DAB1: variants seen among roughly 807,000 people sequenced by gnomAD.
The protein encoded by DAB1 is disabled homolog 1.
Under a neutral mutation model 64.6 loss-of-function variants are expected in DAB1, and 15 were observed. The observed-to-expected ratio is 0.23, with a 90% CI of 0.16 to 0.36. The LOEUF (loss-of-function observed/expected upper bound fraction) is 0.36. DAB1 is among the 10% of genes least tolerant of loss of function. DAB1 has a pLI of 1.00. For synonymous variants in DAB1, 235 were observed against 251.9 expected, an observed-to-expected ratio of 0.93 and a Z score of 0.64; for missense variants, 596 against 706.7, an observed-to-expected ratio of 0.84 and a Z score of 1.78.
chr1:58,519,840 G>T (rs984502748), intron 2 of DAB1, among the ~76,000 whole-genome samples: 1 of 152,108 alleles, frequency 6.6e-6, no homozygotes, highest in Non-Finnish European at 1.5e-5. Flanking sequence ...TTATAAAAGA[G>T]CATCAAAGGG....
intron 4 of DAB1, among the ~76,000 whole-genome samples, chr1:58,259,944 A>AGTG: frequency 6.6e-6 from 1 of 152,196 alleles, no homozygotes; most frequent in Non-Finnish European, 1.5e-5. Context: ...AAACCATTTA[A>AGTG]CCTTCACAAT....
At chr1:58,166,963 T>G (rs567112952) in intron 4 of DAB1, among the ~76,000 whole-genome samples, 2 of 151,672 alleles carry the variant, frequency 1.3e-5, no homozygotes, top group Non-Finnish European at 2.9e-5. Flanking sequence ...ACCAGGCTGG[T>G]CTCGAACTTC....
chr1:58,194,601 G>T (rs1235636664), intron 4 of DAB1, among the ~76,000 whole-genome samples: 2 of 152,214 alleles, frequency 1.3e-5, no homozygotes, highest in Non-Finnish European at 2.9e-5. Flanking sequence ...TCATATGAAA[G>T]AAACTCTCGT....
chr1:57,945,109 T>C (rs558258681), intron 5 of DAB1, among the ~76,000 whole-genome samples: 2 of 152,296 alleles, frequency 1.3e-5, no homozygotes, highest in Admixed American at 6.5e-5. Flanking sequence ...AAGTTAGTTA[T>C]ACAAAACCGG....
intron 1 of DAB1, among the ~76,000 whole-genome samples, chr1:57,346,589 T>G (rs897766059): frequency 2.6e-5 from 4 of 152,182 alleles, no homozygotes; most frequent in Non-Finnish European, 5.9e-5. Context: ...TTATTTATTG[T>G]CATCTCAGTA....
intron 14 of DAB1, among the ~76,000 whole-genome samples, chr1:57,005,333 T>C (rs1228907931): frequency 1.3e-5 from 2 of 152,220 alleles, no homozygotes. Flanking sequence ...ACACTAATTA[T>C]CTACCATAAG....
At chr1:57,384,705 A>C (rs2100981442) in intron 1 of DAB1, among the ~76,000 whole-genome samples, 1 of 152,312 alleles carries the variant, frequency 6.6e-6, no homozygotes, top group South Asian at 2.1e-4. Flanking sequence ...AGAAAGTAGA[A>C]TGGTAGCTGC....
chr1:58,296,912 G>A (rs1266255215), intron 4 of DAB1, among the ~76,000 whole-genome samples: 1 of 152,160 alleles, frequency 6.6e-6, no homozygotes, highest in Non-Finnish European at 1.5e-5. Context: ...GTTGTCCAGA[G>A]AAGCATATTA....
chr1:58,421,261 T>G (rs1644769176), intron 3 of DAB1, among the ~76,000 whole-genome samples: 1 of 152,224 alleles, frequency 6.6e-6, no homozygotes, highest in South Asian at 2.1e-4. Flanking sequence ...AACATGATAT[T>G]AATACTGCTA....
intron 6 of DAB1, among the ~76,000 whole-genome samples, chr1:57,715,354 T>C (rs1044595314): frequency 6.6e-6 from 1 of 152,178 alleles, no homozygotes; most frequent in African/African-American, 2.4e-5. Flanking sequence ...AAGCTTTTCC[T>C]CTAATATCTG....
At chr1:57,149,302 T>G (rs745952864) in intron 2 of DAB1, among the ~76,000 whole-genome samples, 17 of 152,208 alleles carry the variant, frequency 1.1e-4, no homozygotes, top group Non-Finnish European at 2.2e-4. Flanking sequence ...TGTACAAGTT[T>G]TTGTGTGGCT....
At chr1:57,703,049 T>C (rs1646925438) in intron 6 of DAB1, among the ~76,000 whole-genome samples, 1 of 151,204 alleles carries the variant, frequency 6.6e-6, no homozygotes, top group Non-Finnish European at 1.5e-5. Context: ...CAAGGTAGAT[T>C]AAGAACTTAA....
At chr1:58,068,367 G>C (rs567475165) in intron 5 of DAB1, among the ~76,000 whole-genome samples, 2 of 152,174 alleles carry the variant, frequency 1.3e-5, no homozygotes, top group African/African-American at 2.4e-5. Context: ...CGGGGAAAAG[G>C]ATGCATTCAT....
chr1:58,109,541 T>G (rs561192129), intron 5 of DAB1, among the ~76,000 whole-genome samples: 2 of 152,204 alleles, frequency 1.3e-5, no homozygotes, highest in South Asian at 4.2e-4. Context: ...AGAATGACTT[T>G]GCTCTAGCCC....
chr1:57,624,950 C>A (rs1318400523), intron 7 of DAB1, among the ~76,000 whole-genome samples: 1 of 151,956 alleles, frequency 6.6e-6, no homozygotes, highest in Non-Finnish European at 1.5e-5. Flanking sequence ...TTCCATTTAT[C>A]TTGGGAAATT....
intron 4 of DAB1, among the ~76,000 whole-genome samples, chr1:58,256,852 A>G (rs916031285): frequency 6.6e-6 from 1 of 152,218 alleles, no homozygotes; most frequent in African/African-American, 2.4e-5. Context: ...CAAGTCCACA[A>G]ATTGATCTCC....
At chr1:57,682,804 C>T (rs1307336742) in intron 6 of DAB1, among the ~76,000 whole-genome samples, 1 of 152,156 alleles carries the variant, frequency 6.6e-6, no homozygotes, top group Non-Finnish European at 1.5e-5. Context: ...TCCCATATCC[C>T]TCTGAGAGGC....
rs559846283 is a variant in DAB1 at position 57,641,354 on chromosome 1, G to A, written n.625+8238C>T. 4.1e-5 allele frequency among the ~76,000 whole-genome samples: 6 copies of A among 145,990 alleles called. No individual in the cohort carries two copies. In the South Asian group the frequency reaches 1.1e-3, roughly 27 times the overall value. ...CCCAATGTTCCCTGGTGAAACTCTT[G>A]CCCAGTTCCCTCTTTTTTTTGTTGG... is the stretch of plus-strand genomic sequence containing the variant. On this transcript the variant is annotated intron_variant and non_coding_transcript_variant, in intron 7 of 20. Transcript: ENST00000485760.
intron 7 of DAB1, among the ~76,000 whole-genome samples, chr1:57,605,377 G>A (rs186664536): frequency 4.6e-5 from 7 of 152,192 alleles, no homozygotes; most frequent in Admixed American, 2.0e-4. Flanking sequence ...AGAGTAGATC[G>A]GAGGCCTCTG....
Sources: allele counts gnomAD v4.1 joint callset (sites outside exome capture counted in the v4.1 genomes callset), GRCh38; gene constraint gnomAD v4.1.1; transcripts MANE v1.5; gene names NCBI Gene and HGNC (gene_info 2026-07-23, HGNC 2026-07-21).